DOCK9: variants seen among roughly 807,000 people sequenced by gnomAD.
DOCK9 encodes the protein dedicator of cytokinesis protein 9.
In DOCK9, 89 loss-of-function variants were observed where a neutral mutation model predicts 263.3. The observed-to-expected ratio is 0.34, with a 90% CI of 0.28 to 0.40. DOCK9 has a LOEUF of 0.40. Ranked by LOEUF, DOCK9 falls within the 10% of genes least tolerant of loss-of-function variation. The pLI, the probability that DOCK9 is intolerant of heterozygous loss-of-function variation, is 1.00. For missense variants in DOCK9, 2,140 were observed against 2,603.4 expected (o/e 0.82, Z 3.87); for synonymous variants, 976 against 973.1 (o/e 1.00, Z -0.06).
chr13:98,982,417 C>T (rs1567169009), upstream of DOCK9, among the ~76,000 whole-genome samples: 1 of 152,216 alleles, frequency 6.6e-6, no homozygotes, highest in African/African-American at 2.4e-5. Flanking sequence ...CCCAAGAACC[C>T]CTCCAGCCAG....
At chr13:98,892,255 C>T (rs2046735675) in intron 15 of DOCK9, among the ~76,000 whole-genome samples, 1 of 152,162 alleles carries the variant, frequency 6.6e-6, no homozygotes, top group Non-Finnish European at 1.5e-5. Context: ...TTTCTGCTGA[C>T]TCAACAATTC....
In DOCK9 at chr13:98,881,590, C is replaced by G; in HGVS notation, c.2713G>C (p.Gly905Arg). Residue 905 changes from glycine to arginine, a missense_variant, in exon 25 of 53, where the codon GGA becomes CGA. Physicochemically the swap from Gly to Arg is moderately radical, Grantham distance 125. Around this residue, in one of 2 missense-constraint regions of DOCK9, gnomAD observed 1,521 missense variants for 1,741.7 expected, o/e 0.87. Coordinates refer to ENST00000682017, the MANE Select transcript of DOCK9 (RefSeq NM_001366683.2). ...TATGACCTCAAGTGGCTCTCCAATC[C>G]TTCCTCATGGCACTGGGCAACCACA... The part of the protein sequence containing the change: ...IHVVAQCHEE[G>R]LESHLRSYVK... 1 of 1,609,520 alleles carries G rather than the reference C, an allele frequency of 6.2e-7. No individual in the cohort carries two copies. Among genetic ancestry groups the G allele is most frequent in the Non-Finnish European group, 8.5e-7 (1 of 1,178,100 alleles).
chr13:99,013,916 C>A (rs550489744), intron 1 of DOCK9, among the ~76,000 whole-genome samples: 2 of 152,204 alleles, frequency 1.3e-5, no homozygotes. Flanking sequence ...AACAGAGAGA[C>A]AAGCGTGGAG....
intron 1 of DOCK9, among the ~76,000 whole-genome samples, chr13:99,000,425 T>G (rs1555445993): frequency 6.6e-6 from 1 of 152,132 alleles, no homozygotes; most frequent in Non-Finnish European, 1.5e-5. Context: ...TTCCCAAACT[T>G]CTCCTCCTGA....
At chr13:98,966,168 C>T (rs2059169727) in intron 1 of DOCK9, among the ~76,000 whole-genome samples, 1 of 152,252 alleles carries the variant, frequency 6.6e-6, no homozygotes, top group African/African-American at 2.4e-5. Context: ...ATTTAGGAGA[C>T]TTCCTCCATG....
chr13:98,855,415 T>C (rs1276750573), intron 34 of DOCK9, among the ~76,000 whole-genome samples: 1 of 151,996 alleles, frequency 6.6e-6, no homozygotes, highest in Non-Finnish European at 1.5e-5. Context: ...CTACTAAAAA[T>C]ACAAAAATTA....
intron 9 of DOCK9, among the ~76,000 whole-genome samples, chr13:98,912,446 C>G (rs1297536209): frequency 6.6e-6 from 1 of 151,976 alleles, no homozygotes; most frequent in African/African-American, 2.4e-5. Context: ...TAAATAGAAA[C>G]AAAACAAAAA....
At chr13:99,059,943 T>C (rs2041103591) in intron 1 of DOCK9, among the ~76,000 whole-genome samples, 1 of 152,098 alleles carries the variant, frequency 6.6e-6, no homozygotes, top group South Asian at 2.1e-4. Flanking sequence ...CTTCACATAA[T>C]GTTATCAAGA....
At chr13:98,837,093 ATG>A (rs1236310786) in intron 39 of DOCK9, among the ~76,000 whole-genome samples, 2 of 152,172 alleles carry the variant, frequency 1.3e-5, no homozygotes, top group East Asian at 3.9e-4. Flanking sequence ...AACTGAAAAC[ATG>A]TGTCTGTGTT....
intron 7 of DOCK9, among the ~76,000 whole-genome samples, chr13:98,916,706 T>C (rs527981618): frequency 1.3e-5 from 2 of 152,314 alleles, no homozygotes; most frequent in African/African-American, 4.8e-5. Context: ...GTCAAAGGCT[T>C]GAAACAAAAT....
In DOCK9 at chr13:98,831,502, G is replaced by A. The variant is rs776321246; in HGVS notation, c.4481C>T (p.Ala1494Val). The change falls in exon 41 of 53, where the codon GCG (alanine) becomes GTG (valine). Residue 1494 changes from alanine (A) to valine (V), a missense_variant. Around this residue, in one of 2 missense-constraint regions of DOCK9, gnomAD observed 619 missense variants for 861.8 expected, o/e 0.72. Coordinates refer to ENST00000682017, the MANE Select transcript of DOCK9 (RefSeq NM_001366683.2). ...KFPSTFYEGR[A>V]DMCAALCYEI... ...GTAACACAGAGCCGCACACATGTCC[G>A]CTCTCCCTTCATAGAATGTTGAGGG... The A allele has an allele frequency of 1.6e-5, 25 of 1,588,188 alleles. No homozygotes were observed. Among genetic ancestry groups the A allele is most frequent in the African/African-American group, 9.4e-5 (7 of 74,442 alleles).
chr13:99,024,373 T>G (rs1021455147), intron 1 of DOCK9, among the ~76,000 whole-genome samples: 3 of 152,198 alleles, frequency 2.0e-5, no homozygotes, highest in Non-Finnish European at 4.4e-5. Flanking sequence ...AGAAATTATA[T>G]TTTAGGCAGA....
upstream of DOCK9, among the ~76,000 whole-genome samples, chr13:98,981,318 A>T (rs546903490): frequency 2.6e-5 from 4 of 152,306 alleles, no homozygotes; most frequent in South Asian, 8.3e-4. Context: ...TGGCCTCCCA[A>T]AGTGTGGGGA....
intron 1 of DOCK9, among the ~76,000 whole-genome samples, chr13:98,977,018 T>C (rs1248519845): frequency 6.6e-6 from 1 of 152,172 alleles, no homozygotes; most frequent in Non-Finnish European, 1.5e-5. Flanking sequence ...GGCTCAATTG[T>C]CCCCCCTCTG....
intron 30 of DOCK9, among the ~76,000 whole-genome samples, chr13:98,865,098 A>T (rs1356600407): frequency 6.6e-6 from 1 of 152,168 alleles, no homozygotes; most frequent in Non-Finnish European, 1.5e-5. Context: ...TCTGTTGCTC[A>T]GGCTGGAGTG....
intron 1 of DOCK9, among the ~76,000 whole-genome samples, chr13:98,971,874 A>G (rs1480935871): frequency 6.6e-6 from 1 of 152,200 alleles, no homozygotes; most frequent in Non-Finnish European, 1.5e-5. Flanking sequence ...AGTTCTTCAC[A>G]TGACCACCAT....
intron 2 of DOCK9, among the ~76,000 whole-genome samples, chr13:98,932,453 T>C (rs1486897192): frequency 6.6e-6 from 1 of 152,102 alleles, no homozygotes; most frequent in East Asian, 1.9e-4. Context: ...TCATAGTCAT[T>C]AAAGCAGCAT....
chr13:98,801,337 G>A (rs1278369989), intron 49 of DOCK9, among the ~76,000 whole-genome samples: 1 of 151,932 alleles, frequency 6.6e-6, no homozygotes, highest in South Asian at 2.1e-4. Context: ...AAAACACAAA[G>A]AATATACTCC....
rs560392158 is a variant in DOCK9 at position 98,955,571 on chromosome 13, G to A, written c.127-20C>T. 1 of 1,510,916 alleles carries A rather than the reference G, an allele frequency of 6.6e-7. No homozygotes were observed. The highest frequency in any genetic ancestry group is 1.9e-5 in the Admixed American group (1 of 52,532). 93.6% of individuals were successfully genotyped at this position (1,510,916 alleles called of 1,614,324 possible). ...CTTTGCCTGGAGGGCGAAAAGATAA[G>A]CAAGACATTCTCATACACAAATGCC... On this transcript the variant is annotated intron_variant, in intron 1 of 52. Transcript: ENST00000682017.
Sources: gnomAD v4.1 joint callset for allele counts (sites outside exome capture counted in the v4.1 genomes callset) on GRCh38, gnomAD v4.1.1 for gene constraint, gnomAD v4.1.1 regional missense constraint, MANE v1.5 for transcripts, NCBI Gene and HGNC (gene_info 2026-07-23, HGNC 2026-07-21) for gene names.